Variants in INTS2 observed in about 807,000 individuals in gnomAD.
INTS2 encodes KIAA1287.
In INTS2, 57 loss-of-function variants were observed where a neutral mutation model predicts 139.6. The observed-to-expected ratio is 0.41, with a 90% CI of 0.33 to 0.51. INTS2 has a LOEUF of 0.51. Among genes scored for constraint, INTS2 ranks in the 20% least tolerant of loss-of-function variants. INTS2 has a pLI of 0.28. For synonymous variants in INTS2, 473 were observed against 493.4 expected, an observed-to-expected ratio of 0.96 and a Z score of 0.55; for missense variants, 1,196 against 1,436.7, an observed-to-expected ratio of 0.83 and a Z score of 2.71.
At chr17:61,881,547 G>C (rs1442251354) in intron 16 of INTS2, among the ~76,000 whole-genome samples, 1 of 152,098 alleles carries the variant, frequency 6.6e-6, no homozygotes, top group Non-Finnish European at 1.5e-5. Flanking sequence ...CAGTGAGCCA[G>C]GATCGCAACA....
chr17:61,877,865 T>A (rs377162018), intron 18 of INTS2, 22 bp downstream of exon 18: 82 of 1,561,032 alleles, frequency 5.3e-5, no homozygotes, highest in Non-Finnish European at 5.3e-5. Context: ...ATCTATTACA[T>A]GTAACAATAC....
chr17:61,869,511 C>T lies in INTS2; in HGVS notation c.3031-131G>A. On this transcript the variant is annotated intron_variant, in intron 21 of 24. Coordinates refer to ENST00000251334, the MANE Select transcript of INTS2 (RefSeq NM_001351695.2). This position sits in a 1 kb window ranked among gnomAD's most constrained non-coding sequence, Gnocchi z 5.4. ...GAAGGCTATAGTGCCCCATATGTAA[C>T]CTGGCATTTCACTTTTCTGATGCAC... 1 of 797,262 alleles carries T rather than the reference C, an allele frequency of 1.3e-6. No individual in the cohort carries two copies. Among genetic ancestry groups the T allele is most frequent in the Admixed American group, 2.9e-5 (1 of 34,000 alleles). The allele number at this position is 797,262 out of a possible 1,614,324, so 49.4% of individuals were successfully genotyped here.
Position 61,870,081 on chromosome 17 carries a change from A to G in INTS2, c.2779-93T>C. Reference sequence around the variant, plus strand: ...TTTTCACATGAACAGATATGATAAAATAACTAATTTCTTAAACACACATAC... The same window carrying G: ...TTTTCACATGAACAGATATGATAAAGTAACTAATTTCTTAAACACACATAC... On this transcript the variant is annotated intron_variant, in intron 20 of 24. Coordinates refer to ENST00000251334, the MANE Select transcript of INTS2 (RefSeq NM_001351695.2). This position sits in a 1 kb window ranked among gnomAD's most constrained non-coding sequence, Gnocchi z 4.4. 2 of 1,218,364 alleles carry G rather than the reference A, an allele frequency of 1.6e-6. No homozygotes were observed. Among genetic ancestry groups the G allele is most frequent in the East Asian group, 5.1e-5 (2 of 39,510 alleles). The allele number at this position is 1,218,364 out of a possible 1,614,324, so 75.5% of individuals were successfully genotyped here. A position where few individuals can be genotyped will look rare whatever the true frequency, so the allele number is the denominator to read the frequency against.
chr17:61,892,984 G>A (rs900727911), intron 13 of INTS2, among the ~76,000 whole-genome samples: 116 of 136,394 alleles, frequency 8.5e-4, no homozygotes, highest in African/African-American at 2.6e-3. Flanking sequence ...AAAGCCAGGA[G>A]TGGTGGCTCG....
At chr17:61,919,153 G>A (rs1175637852) in intron 5 of INTS2, among the ~76,000 whole-genome samples, 1 of 151,924 alleles carries the variant, frequency 6.6e-6, no homozygotes, top group Non-Finnish European at 1.5e-5. Context: ...TCAAACTTCT[G>A]ACCTTGTGAT....
At position 61,868,003 on chromosome 17, in the gene INTS2, G is replaced by A; in HGVS notation, c.3251C>T (p.Thr1084Ile). 1 of 1,573,330 alleles carries A rather than the reference G, an allele frequency of 6.4e-7. No homozygotes were observed. The highest frequency in any genetic ancestry group is 8.6e-7 in the Non-Finnish European group (1 of 1,166,978). Residue 1084 changes from threonine to isoleucine, a missense_variant, in exon 24 of 25, where the codon ACA becomes ATA. Coordinates refer to ENST00000251334, the MANE Select transcript of INTS2 (RefSeq NM_001351695.2). This position sits in a 1 kb window ranked among gnomAD's most constrained non-coding sequence, Gnocchi z 4.7. ...NVMGTLLTVL[T>I]QAKRYAFFMP... ...AAAAAAAGCATACCGCTTAGCCTGT[G>A]TTAAAACTGTTGGAAAAAAATGAAA...
chr17:61,891,791 A>T, intron 13 of INTS2, 102 bp from the exon 14 acceptor site: 1 of 818,130 alleles, frequency 1.2e-6, no homozygotes, highest in Non-Finnish European at 1.9e-6. Flanking sequence ...TGAATCAGTA[A>T]AACTCACTAT....
intron 9 of INTS2, among the ~76,000 whole-genome samples, chr17:61,900,529 T>C (rs2079393852): frequency 6.6e-6 from 1 of 152,206 alleles, no homozygotes; most frequent in Non-Finnish European, 1.5e-5. Context: ...TTTAACTTTG[T>C]TTATGGGTTT....
At chr17:61,923,163 T>G (rs938426043) in intron 3 of INTS2, among the ~76,000 whole-genome samples, 1 of 151,578 alleles carries the variant, frequency 6.6e-6, no homozygotes, top group African/African-American at 2.4e-5. Context: ...TTAGAAAAAT[T>G]TTTTAACATA....
intron 5 of INTS2, among the ~76,000 whole-genome samples, chr17:61,918,295 T>C (rs530403560): frequency 1.3e-5 from 2 of 152,298 alleles, no homozygotes; most frequent in South Asian, 4.1e-4. Context: ...CAGGCTGGAG[T>C]GCAGTGGCAC....
At chr17:61,878,674 G>A (rs2079147388) in intron 17 of INTS2, among the ~76,000 whole-genome samples, 2 of 151,944 alleles carry the variant, frequency 1.3e-5, no homozygotes, top group Non-Finnish European at 2.9e-5. Context: ...AGGCATGGTG[G>A]CTCACACCTG....
intron 3 of INTS2, among the ~76,000 whole-genome samples, chr17:61,923,101 A>C (rs1319925091): frequency 6.6e-6 from 1 of 151,932 alleles, no homozygotes; most frequent in East Asian, 1.9e-4. Flanking sequence ...AAATAAATAA[A>C]AGTATCAAAA....
intron 18 of INTS2, 70 bp downstream of exon 18, chr17:61,877,817 A>G (rs1416817655): frequency 7.7e-7 from 1 of 1,298,944 alleles, no homozygotes; most frequent in Non-Finnish European, 1.1e-6. Context: ...TTAAACAATT[A>G]AATTTAGGTT....
Position 61,897,652 on chromosome 17 carries a change from A to C in INTS2, c.1379+16T>G, listed in dbSNP as rs1225202015. ...GAAGAAAAGCTTTCTCAACTAACTA[A>C]ATCAAATTATCTTACCTCTCAAAAT... On this transcript the variant is annotated intron_variant, in intron 10 of 24. Coordinates refer to ENST00000251334, the MANE Select transcript of INTS2 (RefSeq NM_001351695.2). The surrounding 1 kb of genome is among the most constrained non-coding windows in gnomAD (Gnocchi z 4.4). 1 of 1,594,280 alleles carries C rather than the reference A, an allele frequency of 6.3e-7. No homozygotes were observed. The highest frequency in any genetic ancestry group is 2.2e-5 in the East Asian group (1 of 44,560).
At chr17:61,919,341 T>C in intron 5 of INTS2, 59 bp downstream of exon 5, 1 of 775,736 alleles carries the variant, frequency 1.3e-6, no homozygotes, top group Non-Finnish European at 2.2e-6. Flanking sequence ...GTCAAAAAGA[T>C]AGGTCCTGTA....
Position 61,893,988 on chromosome 17 carries a change from T to C in INTS2, c.1564-89A>G. On this transcript the variant is annotated intron_variant, in intron 12 of 24. Coordinates refer to ENST00000251334, the MANE Select transcript of INTS2 (RefSeq NM_001351695.2). The surrounding 1 kb of genome is among the most constrained non-coding windows in gnomAD (Gnocchi z 5.4). ...GATTAGTAAGTAGACTGTCAACACC[T>C]AATACAAGTGTGGTCCCTAGAAATG... 3 of 762,302 alleles carry C rather than the reference T, an allele frequency of 3.9e-6. No homozygotes were observed. The highest frequency in any genetic ancestry group is 1.8e-5 in the African/African-American group (1 of 56,232). 47.2% of individuals were successfully genotyped at this position (762,302 alleles called of 1,614,324 possible).
chr17:61,912,153 G>T, intron 5 of INTS2, 83 bp from the exon 6 acceptor site: 1 of 1,415,596 alleles, frequency 7.1e-7, no homozygotes, highest in Non-Finnish European at 9.6e-7. Flanking sequence ...AAGGATCAGG[G>T]TATTTGAAAG....
Position 61,878,070 on chromosome 17 carries a change from A to T in INTS2, c.2273T>A (p.Val758Glu), listed in dbSNP as rs2079141958. ...QLQEAFSAVP[V>E]NNTQVMQIIE... is the part of the protein sequence containing the mutation. ...AATCTGCATCACTTGTGTGTTATTT[A>T]CTGGGACAGCTGAAAATGCTAAAAA... Residue 758 changes from valine (V) to glutamate (E), a missense_variant, in exon 18 of 25, where the codon GTA becomes GAA. This residue lies in a region of INTS2 where 1,129 missense variants were observed against 1,341.9 expected (regional missense o/e 0.84). Coordinates refer to ENST00000251334, the MANE Select transcript of INTS2 (RefSeq NM_001351695.2). 4 of 1,609,472 alleles carry T rather than the reference A, an allele frequency of 2.5e-6. No homozygotes were observed. The highest frequency in any genetic ancestry group is 3.4e-6 in the Non-Finnish European group (4 of 1,175,780).
rs1364544438 is a variant in INTS2 at position 61,879,848 on chromosome 17, T to C, written c.2254+1159A>G. 5.3e-5 allele frequency among the ~76,000 whole-genome samples: 8 copies of C among 152,118 alleles called. No homozygotes were observed. The East Asian group carries it at 1.5e-3, about 29-fold the overall frequency. On this transcript the variant is annotated intron_variant, in intron 17 of 24. Coordinates refer to ENST00000251334, the MANE Select transcript of INTS2 (RefSeq NM_001351695.2). ...GAACAAGGCTCTGTCTCAAAAAAAA[T>C]AAAGAAAAGAAAAAATATTGGCCAT...
Sources: gnomAD v4.1 joint callset for allele counts (sites outside exome capture counted in the v4.1 genomes callset) on GRCh38, gnomAD v4.1.1 for gene constraint, gnomAD v4.1.1 regional missense constraint, Gnocchi (gnomAD v3.1) non-coding constraint, MANE v1.5 for transcripts, NCBI Gene and HGNC (gene_info 2026-07-23, HGNC 2026-07-21) for gene names.